The following PLAGL1 variants were observed in gnomAD, a reference collection of about 807,000 sequenced individuals.
The protein encoded by PLAGL1 is zinc finger protein PLAGL1.
A neutral mutation model predicts 4.6 loss-of-function variants in PLAGL1; 1 was observed. The observed-to-expected ratio is 0.22, with a 90% CI of 0.08 to 1.03. PLAGL1 has a LOEUF of 1.03. Among genes scored for constraint, PLAGL1 ranks in the 50% least tolerant of loss-of-function variants. The pLI is 0.58. For synonymous variants in PLAGL1, 240 were observed against 237.8 expected, an observed-to-expected ratio of 1.01 and a Z score of -0.08; for missense variants, 464 against 570.4, an observed-to-expected ratio of 0.81 and a Z score of 1.90.
chr6:144,015,002 C>CA lies in PLAGL1; in HGVS notation c.-150-46025dup, dbSNP rs1383336297. ...TTCTACATGCATTTCACGCCATTCA[C>CA]AAAAAACGAATCAAGTGAAATCTCA... On this transcript the variant is annotated intron_variant, in intron 1 of 3. Transcript: ENST00000437412. The surrounding 1 kb of genome is among the most constrained non-coding windows in gnomAD (Gnocchi z 4.3). 6.6e-6 allele frequency among the ~76,000 whole-genome samples: 1 copy of CA among 152,110 alleles called. No homozygotes were observed. The highest frequency in any genetic ancestry group is 1.5e-5 in the Non-Finnish European group (1 of 68,010).
At chr6:143,987,244 A>T (rs1194821203) in intron 1 of PLAGL1, among the ~76,000 whole-genome samples, 1 of 151,860 alleles carries the variant, frequency 6.6e-6, no homozygotes, top group Non-Finnish European at 1.5e-5. Context: ...GGTCTCTGTC[A>T]CCCAGACTGA....
At chr6:144,024,390 G>C (rs1202109857) in intron 1 of PLAGL1, among the ~76,000 whole-genome samples, 1 of 152,194 alleles carries the variant, frequency 6.6e-6, no homozygotes, top group Non-Finnish European at 1.5e-5. Flanking sequence ...CATGTGTCAA[G>C]AGCAGGGACA....
chr6:144,008,877 A>G (rs560149296), upstream of PLAGL1: 1 of 152,342 alleles, frequency 6.6e-6, no homozygotes, highest in East Asian at 1.9e-4. This position sits in a 1 kb window ranked among gnomAD's most constrained non-coding sequence, Gnocchi z 6.9. Flanking sequence ...CAGCTGAAGA[A>G]ACGAAGACGC....
intron 1 of PLAGL1, among the ~76,000 whole-genome samples, chr6:144,003,143 C>G (rs192353491): frequency 7.3e-4 from 111 of 151,914 alleles, no homozygotes; most frequent in Non-Finnish European, 1.1e-3. Context: ...AAAGTCCCCA[C>G]GCAATTCAAT....
chr6:144,051,418 G>A (rs1798577566), intron 1 of PLAGL1, among the ~76,000 whole-genome samples: 1 of 152,210 alleles, frequency 6.6e-6, no homozygotes, highest in Admixed American at 6.5e-5. Context: ...CCATGCATGA[G>A]GCACACACAT....
chr6:144,035,167 TTTA>T (rs1198295569), intron 1 of PLAGL1, among the ~76,000 whole-genome samples: 1 of 151,188 alleles, frequency 6.6e-6, no homozygotes, highest in East Asian at 1.9e-4. Flanking sequence ...TGAGAGGGAG[TTTA>T]TTAAGGAGAA....
At chr6:144,029,853 C>G (rs934373990) in intron 1 of PLAGL1, among the ~76,000 whole-genome samples, 20 of 152,254 alleles carry the variant, frequency 1.3e-4, no homozygotes, top group Admixed American at 7.8e-4. Flanking sequence ...CTCACATTTC[C>G]ACTTTTAAGA....
Position 143,992,714 on chromosome 6 carries a change from G to A in PLAGL1, c.-583-7540C>T, listed in dbSNP as rs567360398. Among the ~76,000 whole-genome samples, 4 of 152,302 alleles carry A rather than the reference G, an allele frequency of 2.6e-5. No individual in the cohort carries two copies. In the East Asian group the frequency reaches 5.8e-4, roughly 22 times the overall value. The stretch of plus-strand genomic sequence containing the variant: ...GAAAAAACAATTGAAATATGGTTGG[G>A]CGAGGTGGCTCATAGCACCTTGGGA... On this transcript the variant is annotated intron_variant, in intron 1 of 7. Coordinates refer to ENST00000674357, the MANE Select transcript of PLAGL1 (RefSeq NM_001317162.2).
chr6:144,057,199 C>T (rs1425190670), intron 1 of PLAGL1, among the ~76,000 whole-genome samples: 1 of 152,170 alleles, frequency 6.6e-6, no homozygotes, highest in Non-Finnish European at 1.5e-5. Context: ...TGCCAAAGTT[C>T]CTTGCAAAGA....
At position 144,027,041 on chromosome 6, in the gene PLAGL1, AC is replaced by A. The variant is rs1278571948; in HGVS notation, c.-151+37426del. Among the ~76,000 whole-genome samples, 1 of 149,990 alleles carries A rather than the reference AC, an allele frequency of 6.7e-6. No individual in the cohort carries two copies. The highest frequency in any genetic ancestry group is 2.5e-5 in the African/African-American group (1 of 40,550). ...AGTGTGGGTAAAAAAGTAAGACCCCACCCCCCGACTCTACAAAAACAAAATT... is the reference window on the plus strand; with the variant it reads ...AGTGTGGGTAAAAAAGTAAGACCCCACCCCCGACTCTACAAAAACAAAATT... On this transcript the variant is annotated intron_variant, in intron 1 of 3. Transcript: ENST00000437412. The surrounding 1 kb of genome is among the most constrained non-coding windows in gnomAD (Gnocchi z 5.8).
intron 1 of PLAGL1, among the ~76,000 whole-genome samples, chr6:143,999,544 T>C (rs1308580571): frequency 1.3e-5 from 2 of 152,256 alleles, no homozygotes; most frequent in South Asian, 2.1e-4. Flanking sequence ...AAGAGCTATC[T>C]CTATCTCCAG....
chr6:143,950,167 G>A lies in PLAGL1; in HGVS notation c.-324-1707C>T, dbSNP rs1465279490. Among the ~76,000 whole-genome samples the A allele has an allele frequency of 3.3e-5, 5 of 152,084 alleles. No individual in the cohort carries two copies. Among genetic ancestry groups the A allele is most frequent in the African/African-American group, 1.2e-4 (5 of 41,418 alleles). ...TTTGGTCAGCGCTAATCCAAACCAGGGGACACACAGGAGTCCTCGGCCAGC... is the reference window on the plus strand; with the variant it reads ...TTTGGTCAGCGCTAATCCAAACCAGAGGACACACAGGAGTCCTCGGCCAGC... On this transcript the variant is annotated intron_variant, in intron 6 of 7. Coordinates refer to ENST00000674357, the MANE Select transcript of PLAGL1 (RefSeq NM_001317162.2). This position sits in a 1 kb window ranked among gnomAD's most constrained non-coding sequence, Gnocchi z 6.3.
At chr6:143,977,088 C>CA (rs1053801150) in intron 2 of PLAGL1, among the ~76,000 whole-genome samples, 7 of 146,940 alleles carry the variant, frequency 4.8e-5, no homozygotes, top group South Asian at 2.3e-4. Flanking sequence ...TCCCTTCCCC[C>CA]CCCCCAACAC....
chr6:144,011,673 C>G (rs1185879062), upstream of PLAGL1, among the ~76,000 whole-genome samples: 2 of 152,016 alleles, frequency 1.3e-5, no homozygotes, highest in East Asian at 3.9e-4. This position sits in a 1 kb window ranked among gnomAD's most constrained non-coding sequence, Gnocchi z 4.3. Flanking sequence ...TTCTGTGATC[C>G]AAGGTTTTTC....
intron 1 of PLAGL1, chr6:144,037,373 T>C (rs948316227): frequency 1.4e-5 from 2 of 143,538 alleles, no homozygotes; most frequent in African/African-American, 5.3e-5. Context: ...ACCCCAGGAA[T>C]TCCAGACCAG....
In PLAGL1 at chr6:143,955,973, G is replaced by A. The variant is rs145309822; in HGVS notation, c.-325+4496C>T. Among the ~76,000 whole-genome samples the A allele has an allele frequency of 2.6e-3, 395 of 152,314 alleles. 1 individual carries two copies. Among genetic ancestry groups the A allele is most frequent in the African/African-American group, 8.4e-3 (349 of 41,556 alleles). On this transcript the variant is annotated intron_variant, in intron 6 of 7. Transcript: ENST00000674357. This position sits in a 1 kb window ranked among gnomAD's most constrained non-coding sequence, Gnocchi z 4.9. ...AAGAAAAACTCAGCAAAAAATAAGC[G>A]TTAGGAGTTCATTTTTAGACATGCT...
Position 143,955,810 on chromosome 6 carries a change from G to A in PLAGL1, c.-325+4659C>T, listed in dbSNP as rs1280600917. The stretch of plus-strand genomic sequence containing the variant: ...TCATTTAGGCTTCTGCCAGATCTCA[G>A]AAGAGAGAACACAGGCCTGCACAAG... On this transcript the variant is annotated intron_variant, in intron 6 of 7. Transcript: ENST00000674357. The surrounding 1 kb of genome is among the most constrained non-coding windows in gnomAD (Gnocchi z 4.9). 6.6e-6 allele frequency among the ~76,000 whole-genome samples: 1 copy of A among 152,126 alleles called. No homozygotes were observed. Among genetic ancestry groups the A allele is most frequent in the Non-Finnish European group, 1.5e-5 (1 of 68,022 alleles).
chr6:143,967,221 G>A (rs1023346744), intron 3 of PLAGL1: 5 of 152,150 alleles, frequency 3.3e-5, no homozygotes, highest in Non-Finnish European at 7.4e-5. Context: ...GTATCTTGCA[G>A]AGCTGATATA....
intron 1 of PLAGL1, among the ~76,000 whole-genome samples, chr6:144,001,193 A>T (rs1328777543): frequency 2.0e-5 from 3 of 152,076 alleles, no homozygotes; most frequent in Admixed American, 2.0e-4. Flanking sequence ...AAAAATAAAA[A>T]TTTTTAATGG....
Sources: gnomAD v4.1 joint callset for allele counts (sites outside exome capture counted in the v4.1 genomes callset) on GRCh38, gnomAD v4.1.1 for gene constraint, Gnocchi (gnomAD v3.1) non-coding constraint, MANE v1.5 for transcripts, NCBI Gene and HGNC (gene_info 2026-07-23, HGNC 2026-07-21) for gene names.